Variants in WDR70 observed in about 807,000 individuals in gnomAD.
WDR70 encodes the protein WD repeat-containing protein 70.
WDR70 carries 53 observed loss-of-function variants against 88.6 expected under a neutral mutation model. The observed-to-expected ratio is 0.60, with a 90% CI of 0.48 to 0.75. The LOEUF (loss-of-function observed/expected upper bound fraction) is 0.75, where lower values mean the gene tolerates loss of function less well. Ranked by LOEUF, WDR70 falls within the 30% of genes least tolerant of loss-of-function variation. The pLI, the probability that WDR70 is intolerant of heterozygous loss-of-function variation, is 0.00. For missense variants in WDR70, 610 were observed against 823.2 expected, an observed-to-expected ratio of 0.74 and a Z score of 3.17; for synonymous variants, 280 against 270.0, an observed-to-expected ratio of 1.04 and a Z score of -0.36.
chr5:37,715,973 CTG>C (rs1747644938), intron 13 of WDR70, among the ~76,000 whole-genome samples: 1 of 152,108 alleles, frequency 6.6e-6, no homozygotes, highest in African/African-American at 2.4e-5. Context: ...CCAAGGATGT[CTG>C]TAACTCTAAG....
chr5:37,511,490 C>T (rs1740718252), intron 8 of WDR70, among the ~76,000 whole-genome samples: 1 of 151,574 alleles, frequency 6.6e-6, no homozygotes, highest in Non-Finnish European at 1.5e-5. Flanking sequence ...TGCTCGTTTC[C>T]TACCCCATCT....
chr5:37,542,151 C>T (rs1741839489), intron 9 of WDR70, among the ~76,000 whole-genome samples: 1 of 152,080 alleles, frequency 6.6e-6, no homozygotes, highest in Non-Finnish European at 1.5e-5. Context: ...AATACATAGT[C>T]AACCATGATT....
intron 14 of WDR70, chr5:37,722,085 T>C (rs891850421): frequency 6.6e-6 from 1 of 152,176 alleles, no homozygotes; most frequent in Non-Finnish European, 1.5e-5. Context: ...AGAGTTGGAA[T>C]CCTGGCCTTA....
chr5:37,535,385 G>T (rs1417690953), intron 9 of WDR70, among the ~76,000 whole-genome samples: 1 of 152,074 alleles, frequency 6.6e-6, no homozygotes, highest in Non-Finnish European at 1.5e-5. Flanking sequence ...TTCATAGATT[G>T]GTAGGAAAAG....
At chr5:37,379,910 T>C (rs2111834833) in intron 2 of WDR70, among the ~76,000 whole-genome samples, 1 of 152,300 alleles carries the variant, frequency 6.6e-6, no homozygotes, top group Admixed American at 6.5e-5. Context: ...TATTCAGAAA[T>C]ATAAATACTT....
chr5:37,646,351 T>A (rs1745239750), intron 10 of WDR70, among the ~76,000 whole-genome samples: 1 of 152,138 alleles, frequency 6.6e-6, no homozygotes, highest in Admixed American at 6.5e-5. Context: ...GAATTGTTTT[T>A]GTTATTTTTG....
chr5:37,650,707 G>C (rs1454855870), intron 10 of WDR70, among the ~76,000 whole-genome samples: 1 of 152,034 alleles, frequency 6.6e-6, no homozygotes, highest in African/African-American at 2.4e-5. Flanking sequence ...TTGCATGGTA[G>C]GTAATTGAAG....
chr5:37,610,865 A>C (rs775941954), intron 10 of WDR70, among the ~76,000 whole-genome samples: 6 of 152,188 alleles, frequency 3.9e-5, no homozygotes, highest in Non-Finnish European at 8.8e-5. Context: ...TAGTTTACTA[A>C]ACAAAGCAGA....
chr5:37,532,476 C>T (rs891330407), intron 9 of WDR70, among the ~76,000 whole-genome samples: 5 of 151,982 alleles, frequency 3.3e-5, no homozygotes, highest in African/African-American at 1.2e-4. Flanking sequence ...CTTCTTTGTC[C>T]TTGATGGATT....
chr5:37,431,095 C>T (rs1328558570), intron 5 of WDR70, among the ~76,000 whole-genome samples: 1 of 152,182 alleles, frequency 6.6e-6, no homozygotes, highest in African/African-American at 2.4e-5. Flanking sequence ...CTTAGGTGAT[C>T]AGGCTGCCTT....
chr5:37,652,637 C>A (rs1745441006), intron 10 of WDR70, among the ~76,000 whole-genome samples: 2 of 152,184 alleles, frequency 1.3e-5, no homozygotes, highest in South Asian at 4.1e-4. Context: ...TTGTAGTTCT[C>A]CTTGAAGAGG....
In WDR70 at chr5:37,417,629, C is replaced by T. The variant is rs546947659; in HGVS notation, c.493-20293C>T. ...TCATAGCTCACTGTGACCTCAAATT[C>T]CTGGGCTTAAGTGATTCTCCTGTCT... On this transcript the variant is annotated intron_variant, in intron 5 of 17. Transcript: ENST00000265107. 2.6e-5 allele frequency among the ~76,000 whole-genome samples: 4 copies of T among 151,552 alleles called. No individual in the cohort carries two copies. In the East Asian group the frequency reaches 7.8e-4, roughly 30 times the overall value.
At chr5:37,517,948 CTT>C (rs1290577205) in intron 9 of WDR70, among the ~76,000 whole-genome samples, 5 of 149,778 alleles carry the variant, frequency 3.3e-5, no homozygotes, top group African/African-American at 1.2e-4. Flanking sequence ...GAGTTCCACT[CTT>C]GTCACCCTGG....
intron 8 of WDR70, among the ~76,000 whole-genome samples, chr5:37,498,221 G>C (rs1371686275): frequency 6.6e-6 from 1 of 152,178 alleles, no homozygotes; most frequent in African/African-American, 2.4e-5. Context: ...TCAGTTCTCA[G>C]CTCTGGTAAT....
At chr5:37,649,203 G>A (rs1745322978) in intron 10 of WDR70, among the ~76,000 whole-genome samples, 1 of 151,998 alleles carries the variant, frequency 6.6e-6, no homozygotes, top group Non-Finnish European at 1.5e-5. Flanking sequence ...CTTAGGTAAA[G>A]ATATAAAGTG....
At chr5:37,568,105 G>A (rs542209865) in intron 9 of WDR70, among the ~76,000 whole-genome samples, 78 of 152,250 alleles carry the variant, frequency 5.1e-4, no homozygotes, top group African/African-American at 1.8e-3. Flanking sequence ...AGGTTGCCAG[G>A]TTTATGTGTA....
chr5:37,582,754 G>T (rs745575143), intron 9 of WDR70, among the ~76,000 whole-genome samples: 3 of 152,198 alleles, frequency 2.0e-5, no homozygotes, highest in Non-Finnish European at 4.4e-5. Context: ...GTACCTAATG[G>T]TGGAGCTGTA....
chr5:37,752,802 C>G lies in WDR70; in HGVS notation c.*229C>G, dbSNP rs866816007. The stretch of plus-strand genomic sequence containing the variant: ...GATAAACAAGAAACAGATTCTTAGT[C>G]TATTACCAAGTACTTTAGGTATTTG... On this transcript the variant is annotated 3_prime_UTR_variant, in exon 18 of 18. Transcript: ENST00000265107. 1 of 423,306 alleles carries G rather than the reference C, an allele frequency of 2.4e-6. No individual in the cohort carries two copies. The highest frequency in any genetic ancestry group is 4.5e-5 in the East Asian group (1 of 22,264). 26.2% of individuals were successfully genotyped at this position (423,306 alleles called of 1,614,324 possible).
At chr5:37,555,950 GT>G in intron 9 of WDR70, among the ~76,000 whole-genome samples, 1 of 152,122 alleles carries the variant, frequency 6.6e-6, no homozygotes, top group Admixed American at 6.6e-5. Flanking sequence ...AACTCCTGAC[GT>G]CAGGTGATCC....
Sources: gnomAD v4.1 joint callset for allele counts (sites outside exome capture counted in the v4.1 genomes callset) on GRCh38, gnomAD v4.1.1 for gene constraint, MANE v1.5 for transcripts, NCBI Gene and HGNC (gene_info 2026-07-23, HGNC 2026-07-21) for gene names.